Variants in HTR4 observed in about 807,000 individuals in gnomAD.
HTR4 encodes 5-hydroxytryptamine (serotonin) receptor 4, G protein-coupled.
HTR4 carries 16 observed loss-of-function variants against 36.8 expected under a neutral mutation model. The ratio of observed to expected loss-of-function variants is 0.43; its 90% CI spans 0.29 to 0.66. HTR4 has a LOEUF of 0.66. HTR4 is among the 30% of genes least tolerant of loss of function. The probability of loss-of-function intolerance (pLI) is 0.13; values close to 1 mark genes in which losing one functional copy is unlikely to be tolerated. For synonymous variants in HTR4, 189 were observed against 185.1 expected, an observed-to-expected ratio of 1.02 and a Z score of -0.17; for missense variants, 438 against 490.9, an observed-to-expected ratio of 0.89 and a Z score of 1.02.
chr5:148,506,927 G>T (rs896101859), intron 6 of HTR4, among the ~76,000 whole-genome samples: 5 of 152,306 alleles, frequency 3.3e-5, no homozygotes, highest in African/African-American at 1.2e-4. Context: ...CTGTTGGTGG[G>T]ACTGTAAACT....
chr5:148,579,916 C>G (rs1427695413), intron 2 of HTR4, among the ~76,000 whole-genome samples: 1 of 151,978 alleles, frequency 6.6e-6, no homozygotes, highest in Admixed American at 6.6e-5. Context: ...TCTGGCCTAC[C>G]TGGATAATTT....
At chr5:148,651,968 T>C (rs1754053223) in intron 1 of HTR4, among the ~76,000 whole-genome samples, 1 of 152,142 alleles carries the variant, frequency 6.6e-6, no homozygotes, top group Non-Finnish European at 1.5e-5. Context: ...TTCATCACAT[T>C]TCACAGGTGA....
intron 4 of HTR4, 61 bp downstream of exon 4, chr5:148,548,607 A>G: frequency 1.5e-6 from 2 of 1,302,802 alleles, no homozygotes; most frequent in African/African-American, 1.5e-5. Flanking sequence ...GACACTGCCC[A>G]ATATCCATCA....
intron 5 of HTR4, chr5:148,451,374 C>A: frequency 6.3e-7 from 1 of 1,575,138 alleles, no homozygotes; most frequent in South Asian, 1.2e-5. Flanking sequence ...TCTTTGCATA[C>A]TTCTGAGGGT....
At chr5:148,451,080 C>A in exon 6 of HTR4, 1 of 1,573,854 alleles carries the variant, frequency 6.4e-7, no homozygotes, top group Non-Finnish European at 8.6e-7. Flanking sequence ...CCCCTACTAC[C>A]TGATGCCTCA....
At chr5:148,560,887 T>C (rs978345093) in intron 2 of HTR4, among the ~76,000 whole-genome samples, 3 of 152,130 alleles carry the variant, frequency 2.0e-5, no homozygotes, top group African/African-American at 7.2e-5. Flanking sequence ...CATGCTAAAA[T>C]TTTGCTTTTT....
At chr5:148,473,160 G>A (rs1207578651), downstream of HTR4, among the ~76,000 whole-genome samples, 1 of 152,030 alleles carries the variant, frequency 6.6e-6, no homozygotes, top group East Asian at 1.9e-4. Context: ...TTAGCTGGGT[G>A]TGGTTGTGGG....
intron 2 of HTR4, among the ~76,000 whole-genome samples, chr5:148,569,758 T>C (rs1459663574): frequency 6.6e-6 from 1 of 151,910 alleles, no homozygotes; most frequent in Non-Finnish European, 1.5e-5. Context: ...GAGACAGAAA[T>C]GCATATGTAT....
At chr5:148,642,908 A>G (rs1753770567) in intron 1 of HTR4, among the ~76,000 whole-genome samples, 1 of 152,112 alleles carries the variant, frequency 6.6e-6, no homozygotes, top group Non-Finnish European at 1.5e-5. Flanking sequence ...AAAAAACCAT[A>G]TTGTTTACCT....
chr5:148,549,249 C>T (rs544839734), intron 3 of HTR4, among the ~76,000 whole-genome samples: 31 of 152,270 alleles, frequency 2.0e-4, no homozygotes, highest in African/African-American at 7.2e-4. Context: ...CCCACCCACC[C>T]GTCAGTCCTT....
chr5:148,500,875 G>T (rs1756907120), intron 6 of HTR4, among the ~76,000 whole-genome samples: 2 of 152,016 alleles, frequency 1.3e-5, no homozygotes, highest in Non-Finnish European at 2.9e-5. Context: ...TTCAATGTTG[G>T]TGAGGAGAAC....
intron 2 of HTR4, among the ~76,000 whole-genome samples, chr5:148,580,840 T>C (rs1405923649): frequency 6.6e-6 from 1 of 152,096 alleles, no homozygotes; most frequent in Non-Finnish European, 1.5e-5. Flanking sequence ...GGAGTGCGGA[T>C]ATCTCTTTGA....
At chr5:148,506,679 A>T (rs1366109030) in intron 6 of HTR4, among the ~76,000 whole-genome samples, 1 of 152,216 alleles carries the variant, frequency 6.6e-6, no homozygotes, top group Non-Finnish European at 1.5e-5. Context: ...ATTTACAAGA[A>T]AAAAACAAAC....
At chr5:148,612,929 G>A (rs903170778) in intron 2 of HTR4, among the ~76,000 whole-genome samples, 53 of 150,756 alleles carry the variant, frequency 3.5e-4, no homozygotes, top group Non-Finnish European at 7.1e-4. Flanking sequence ...AGAAAATCTA[G>A]AAGAAATGGA....
At chr5:148,537,875 C>T (rs914753885) in intron 4 of HTR4, among the ~76,000 whole-genome samples, 13 of 152,168 alleles carry the variant, frequency 8.5e-5, no homozygotes, top group African/African-American at 3.1e-4. Flanking sequence ...TCCTCCCCAA[C>T]CCATCGTATG....
chr5:148,643,045 A>C (rs1440265926), intron 1 of HTR4, among the ~76,000 whole-genome samples: 1 of 152,210 alleles, frequency 6.6e-6, no homozygotes, highest in Non-Finnish European at 1.5e-5. Flanking sequence ...GTCATTTAGA[A>C]AGATTTAGTC....
chr5:148,500,797 T>C lies in HTR4; in HGVS notation c.1076+8659A>G, dbSNP rs143628591. 5.3e-3 allele frequency among the ~76,000 whole-genome samples: 800 copies of C among 152,270 alleles called. 10 individuals are homozygous for C. The highest frequency in any genetic ancestry group is 0.018 in the African/African-American group (760 of 41,564). On this transcript the variant is annotated intron_variant, in intron 6 of 6. Transcript: ENST00000377888. Reference sequence around the variant, plus strand: ...AAACCGCTAAGTAATGCAAATTAAATGATACAGCAATTACTTTTACACTAA... The same window carrying C: ...AAACCGCTAAGTAATGCAAATTAAACGATACAGCAATTACTTTTACACTAA...
At chr5:148,493,003 G>T (rs17777202) in intron 6 of HTR4, among the ~76,000 whole-genome samples, 69,443 of 152,064 alleles carry the variant, frequency 0.46, 16,330 homozygotes, top group African/African-American at 0.57. Flanking sequence ...CTAGAAGTGG[G>T]CATCCTGGAA....
At chr5:148,616,298 G>A (rs1191122243) in intron 2 of HTR4, among the ~76,000 whole-genome samples, 1 of 152,214 alleles carries the variant, frequency 6.6e-6, no homozygotes, top group African/African-American at 2.4e-5. Context: ...ATTTGACACA[G>A]TGTGTTATAA....
Sources: allele counts gnomAD v4.1 joint callset (sites outside exome capture counted in the v4.1 genomes callset), GRCh38; gene constraint gnomAD v4.1.1; transcripts MANE v1.5; gene names NCBI Gene and HGNC (gene_info 2026-07-23, HGNC 2026-07-21).